PPP2R2A: variants seen among roughly 807,000 people sequenced by gnomAD.
The protein encoded by PPP2R2A is protein phosphatase 2 regulatory subunit Balpha, also known as serine/threonine-protein phosphatase 2A 55 kDa regulatory subunit B alpha isoform.
In PPP2R2A, 9 loss-of-function variants were observed where a neutral mutation model predicts 53.2. The ratio of observed to expected loss-of-function variants is 0.17; its 90% CI spans 0.10 to 0.30. PPP2R2A has a LOEUF of 0.30. Ranked by LOEUF, PPP2R2A falls within the 10% of genes least tolerant of loss-of-function variation. PPP2R2A has a pLI of 1.00. For synonymous variants in PPP2R2A, 169 were observed against 174.2 expected, an observed-to-expected ratio of 0.97 and a Z score of 0.23; for missense variants, 235 against 534.6, an observed-to-expected ratio of 0.44 and a Z score of 5.53.
At chr8:26,306,364 T>G (rs984653262) in intron 2 of PPP2R2A, among the ~76,000 whole-genome samples, 1 of 150,844 alleles carries the variant, frequency 6.6e-6, no homozygotes, top group Admixed American at 6.6e-5. Context: ...TAATCCCAGC[T>G]GCTCAGAAGG....
Position 26,360,900 on chromosome 8 carries a change from A to T in PPP2R2A, c.460-74A>T. ...ATGTTCTCAAAAACTGAAATAATGAAGTTTTCTGAATCTTAATTGCTATTT... is the reference window on the plus strand; with the variant it reads ...ATGTTCTCAAAAACTGAAATAATGATGTTTTCTGAATCTTAATTGCTATTT... On this transcript the variant is annotated intron_variant, in intron 5 of 9. Transcript: ENST00000380737. This position sits in a 1 kb window ranked among gnomAD's most constrained non-coding sequence, Gnocchi z 4.5. 4 of 1,397,758 alleles carry T rather than the reference A, an allele frequency of 2.9e-6. No individual in the cohort carries two copies. The highest frequency in any genetic ancestry group is 2.9e-6 in the Non-Finnish European group (3 of 1,028,296). 86.6% of individuals were successfully genotyped at this position (1,397,758 alleles called of 1,614,324 possible). A position where few individuals can be genotyped will look rare whatever the true frequency, so the allele number is the denominator to read the frequency against.
In PPP2R2A at chr8:26,370,443, T is replaced by C. The variant is rs749971120; in HGVS notation, c.*30T>C. 6.2e-6 allele frequency: 10 copies of C among 1,605,314 alleles called. No individual in the cohort carries two copies. The South Asian group carries it at 1.1e-4, about 18-fold the overall frequency. ...GGCATTCCTAGCAGAAGAACCCACT[T>C]CCTGCTTAGTTGAGATAGTTGAATC... On this transcript the variant is annotated 3_prime_UTR_variant, in exon 10 of 10. Coordinates refer to ENST00000380737, the MANE Select transcript of PPP2R2A (RefSeq NM_002717.4). This position sits in a 1 kb window ranked among gnomAD's most constrained non-coding sequence, Gnocchi z 6.1.
At chr8:26,300,026 AAG>A (rs1406654863) in intron 2 of PPP2R2A, among the ~76,000 whole-genome samples, 1 of 152,236 alleles carries the variant, frequency 6.6e-6, no homozygotes, top group African/African-American at 2.4e-5. Flanking sequence ...GTAGTAGTGT[AAG>A]TTTACCCATT....
At chr8:26,334,606 G>T (rs781602227) in intron 2 of PPP2R2A, among the ~76,000 whole-genome samples, 5 of 152,092 alleles carry the variant, frequency 3.3e-5, no homozygotes, top group Admixed American at 1.3e-4. Context: ...TTAGCCGGTG[G>T]TGGTGGCAGG....
chr8:26,305,770 G>A (rs1436867793), intron 2 of PPP2R2A, among the ~76,000 whole-genome samples: 1 of 152,170 alleles, frequency 6.6e-6, no homozygotes, highest in Non-Finnish European at 1.5e-5. Flanking sequence ...ACTAGAGTCT[G>A]AGTAGTAAAT....
intron 3 of PPP2R2A, 58 bp downstream of exon 3, chr8:26,339,045 G>A: frequency 7.9e-7 from 1 of 1,269,766 alleles, no homozygotes; most frequent in Non-Finnish European, 1.1e-6. Flanking sequence ...TAGAGCTTGT[G>A]TTGCACTGGA....
intron 2 of PPP2R2A, among the ~76,000 whole-genome samples, chr8:26,315,260 T>G (rs1485463395): frequency 6.6e-6 from 1 of 152,142 alleles, no homozygotes; most frequent in East Asian, 1.9e-4. Context: ...CTGGCAGAGA[T>G]ATTCGGCTGG....
intron 2 of PPP2R2A, among the ~76,000 whole-genome samples, chr8:26,306,973 G>A (rs1802054507): frequency 6.6e-6 from 1 of 152,228 alleles, no homozygotes; most frequent in South Asian, 2.1e-4. Flanking sequence ...ATTTTATTTT[G>A]TATTTGCAAT....
intron 2 of PPP2R2A, among the ~76,000 whole-genome samples, chr8:26,328,078 A>G (rs899419540): frequency 1.3e-5 from 2 of 152,210 alleles, no homozygotes; most frequent in African/African-American, 2.4e-5. Flanking sequence ...GAAATGCAAG[A>G]TGCAGGCATA....
chr8:26,337,147 A>T (rs1055764656), intron 2 of PPP2R2A, among the ~76,000 whole-genome samples: 2 of 152,162 alleles, frequency 1.3e-5, no homozygotes, highest in Non-Finnish European at 2.9e-5. Flanking sequence ...TTGGTTTCAG[A>T]TGTGAGCATT....
intron 2 of PPP2R2A, among the ~76,000 whole-genome samples, chr8:26,301,219 C>T (rs771324678): frequency 6.6e-5 from 10 of 152,084 alleles, no homozygotes; most frequent in Admixed American, 5.9e-4. Context: ...CTGTTTATAA[C>T]AAGGTTTATT....
Position 26,370,071 on chromosome 8 carries a change from AT to A in PPP2R2A, c.1065-59del, listed in dbSNP as rs142234242. ...CTTCCTATGGTTTAATTGCCGAATC[AT>A]TTTACTTGAAAACAATTTCTTGTTC... On this transcript the variant is annotated intron_variant, in intron 9 of 9. Coordinates refer to ENST00000380737, the MANE Select transcript of PPP2R2A (RefSeq NM_002717.4). This position sits in a 1 kb window ranked among gnomAD's most constrained non-coding sequence, Gnocchi z 6.1. The A allele has an allele frequency of 3.7e-3, 5,589 of 1,530,798 alleles. 15 individuals carry two copies. The highest frequency in any genetic ancestry group is 4.3e-3 in the Non-Finnish European group (4,855 of 1,120,520). 94.8% of individuals were successfully genotyped at this position (1,530,798 alleles called of 1,614,324 possible). A position where few individuals can be genotyped will look rare whatever the true frequency, so the allele number is the denominator to read the frequency against.
intron 1 of PPP2R2A, chr8:26,292,210 AT>A (rs1302832733): frequency 3.7e-6 from 4 of 1,088,340 alleles, no homozygotes; most frequent in Non-Finnish European, 4.5e-6. Context: ...GCAGGTCTTC[AT>A]TTAATTTCTA....
chr8:26,366,406 G>A lies in PPP2R2A; in HGVS notation c.1064G>A (p.Ser355Asn), dbSNP rs1203624370. 3 of 1,569,406 alleles carry A rather than the reference G, an allele frequency of 1.9e-6. No individual in the cohort carries two copies. The highest frequency in any genetic ancestry group is 2.6e-6 in the Non-Finnish European group (3 of 1,159,452). ...KFECCWNGSDSVVMTGSYNNF... is the reference protein window; with the variant it reads ...KFECCWNGSDNVVMTGSYNNF... ...GAATGTTGTTGGAATGGATCTGACA[G>A]GTAATTAAGTCAAACCTCTCAAATA... Residue 355 changes from serine to asparagine, a missense_variant and splice_region_variant, in exon 9 of 10, where the codon AGT becomes AAT. By Grantham distance (46) the Ser-to-Asn change is conservative. Transcript: ENST00000380737.
intron 2 of PPP2R2A, among the ~76,000 whole-genome samples, chr8:26,305,060 G>A (rs1181606706): frequency 4.6e-5 from 7 of 152,122 alleles, no homozygotes; most frequent in Middle Eastern, 3.4e-3. Context: ...CTCTATACCC[G>A]TTAAATAACT....
rs569387818 is a variant in PPP2R2A, at chr8:26,341,964, C to T, written c.180+2977C>T. 2.6e-5 allele frequency among the ~76,000 whole-genome samples: 4 copies of T among 152,236 alleles called. No individual in the cohort carries two copies. The East Asian group carries it at 7.7e-4, about 29-fold the overall frequency. On this transcript the variant is annotated intron_variant, in intron 3 of 9. Transcript: ENST00000380737. ...TGTGATCCAGGCGGGTATCTGTGTC[C>T]TCTTGCTGCCTGTCCGTTTATTCCC...
At chr8:26,319,940 C>T (rs1046583562) in intron 2 of PPP2R2A, among the ~76,000 whole-genome samples, 1 of 152,092 alleles carries the variant, frequency 6.6e-6, no homozygotes, top group Non-Finnish European at 1.5e-5. Context: ...GAATTGTTCT[C>T]TTAAGTTCCT....
chr8:26,307,241 A>C (rs1802064364), intron 2 of PPP2R2A, among the ~76,000 whole-genome samples: 1 of 152,236 alleles, frequency 6.6e-6, no homozygotes, highest in African/African-American at 2.4e-5. Flanking sequence ...AGCTAAGTAA[A>C]ATCTATAATA....
At chr8:26,302,773 A>G (rs1801845736) in intron 2 of PPP2R2A, among the ~76,000 whole-genome samples, 1 of 152,212 alleles carries the variant, frequency 6.6e-6, no homozygotes, top group African/African-American at 2.4e-5. Flanking sequence ...GCCAGATTAA[A>G]TTAAAGAGAT....
Sources: gnomAD v4.1 joint callset for allele counts (sites outside exome capture counted in the v4.1 genomes callset) on GRCh38, gnomAD v4.1.1 for gene constraint, Gnocchi (gnomAD v3.1) non-coding constraint, MANE v1.5 for transcripts, NCBI Gene and HGNC (gene_info 2026-07-23, HGNC 2026-07-21) for gene names.